NUBPL: variants seen among roughly 807,000 people sequenced by gnomAD.
The protein encoded by NUBPL is NUBP iron-sulfur cluster assembly factor, mitochondrial.
In NUBPL, 31 loss-of-function variants were observed where a neutral mutation model predicts 45.7. The ratio of observed to expected loss-of-function variants is 0.68; its 90% CI spans 0.51 to 0.92. The LOEUF (loss-of-function observed/expected upper bound fraction) is 0.92. Among genes scored for constraint, NUBPL ranks in the 40% least tolerant of loss-of-function variants. The pLI, the probability that NUBPL is intolerant of heterozygous loss-of-function variation, is 0.00. For synonymous variants in NUBPL, 144 were observed against 140.9 expected, an observed-to-expected ratio of 1.02 and a Z score of -0.15; for missense variants, 401 against 398.7, an observed-to-expected ratio of 1.01 and a Z score of -0.05.
intron 6 of NUBPL, among the ~76,000 whole-genome samples, chr14:31,705,922 A>AC (rs1312689186): frequency 6.6e-6 from 1 of 152,124 alleles, no homozygotes; most frequent in Non-Finnish European, 1.5e-5. Flanking sequence ...CTCACCTGGA[A>AC]CCCGCACTGG....
intron 7 of NUBPL, among the ~76,000 whole-genome samples, chr14:31,825,200 T>C (rs1356833988): frequency 1.5e-5 from 2 of 129,798 alleles, no homozygotes; most frequent in African/African-American, 5.1e-5. Context: ...TTTTTAAGAA[T>C]ATAAACTTCT....
At chr14:31,694,284 A>C (rs965085751) in intron 6 of NUBPL, among the ~76,000 whole-genome samples, 4 of 152,232 alleles carry the variant, frequency 2.6e-5, no homozygotes, top group African/African-American at 9.6e-5. Context: ...TTTTAAAATT[A>C]TAGATTAGTG....
intron 6 of NUBPL, among the ~76,000 whole-genome samples, chr14:31,713,654 G>A (rs371648722): frequency 2.6e-5 from 4 of 152,128 alleles, no homozygotes; most frequent in Non-Finnish European, 5.9e-5. Flanking sequence ...TCAACAACCC[G>A]TAGGAAATTT....
chr14:31,597,359 C>T (rs145043796), intron 3 of NUBPL, among the ~76,000 whole-genome samples: 51 of 152,178 alleles, frequency 3.4e-4, no homozygotes, highest in African/African-American at 1.2e-3. Flanking sequence ...CTACTCTTAC[C>T]GTAGCAAATG....
chr14:31,708,890 G>A (rs193179157), intron 6 of NUBPL, among the ~76,000 whole-genome samples: 6 of 152,240 alleles, frequency 3.9e-5, no homozygotes, highest in Admixed American at 6.5e-5. Flanking sequence ...ACGAGGGGGC[G>A]GCTTGTTTCT....
Position 31,666,267 on chromosome 14 carries a change from T to TATTA in NUBPL, c.383-7088_383-7087insATTA, listed in dbSNP as rs2036423065. Among the ~76,000 whole-genome samples, 2 of 84,428 alleles carry TATTA rather than the reference T, an allele frequency of 2.4e-5. 1 individual carries two copies. Among genetic ancestry groups the TATTA allele is most frequent in the Non-Finnish European group, 5.2e-5 (2 of 38,180 alleles). The allele number at this position is 84,428 out of a possible 152,430, so 55.4% of individuals were successfully genotyped here. On this transcript the variant is annotated intron_variant, in intron 4 of 10. Coordinates refer to ENST00000281081, the MANE Select transcript of NUBPL (RefSeq NM_025152.3). ...TATATATATATATATATATATAATT[T>TATTA]TATTTTATTTTTTTTGAGACGGAAT...
intron 3 of NUBPL, among the ~76,000 whole-genome samples, chr14:31,570,708 G>T (rs958323965): frequency 6.6e-6 from 1 of 152,026 alleles, no homozygotes; most frequent in Middle Eastern, 3.4e-3. Context: ...TTTAATTAAG[G>T]CACGTGCTAC....
chr14:31,629,355 C>T (rs756581236), intron 4 of NUBPL, among the ~76,000 whole-genome samples: 3 of 152,078 alleles, frequency 2.0e-5, no homozygotes, highest in African/African-American at 4.8e-5. Flanking sequence ...TTATTAGGCA[C>T]GGCACATTGT....
At chr14:31,699,941 G>A (rs924086418) in intron 6 of NUBPL, among the ~76,000 whole-genome samples, 2 of 152,140 alleles carry the variant, frequency 1.3e-5, no homozygotes, top group African/African-American at 4.8e-5. Flanking sequence ...TTACCATAAT[G>A]AAATTTTAAA....
At chr14:31,832,610 C>A (rs1566588534) in intron 8 of NUBPL, among the ~76,000 whole-genome samples, 1 of 152,146 alleles carries the variant, frequency 6.6e-6, no homozygotes, top group Non-Finnish European at 1.5e-5. Context: ...TTCTTATATA[C>A]AGATTTTTAT....
chr14:31,583,176 A>G (rs1162644300), intron 3 of NUBPL, among the ~76,000 whole-genome samples: 1 of 152,244 alleles, frequency 6.6e-6, no homozygotes, highest in Non-Finnish European at 1.5e-5. Flanking sequence ...CGCTGCAGGA[A>G]ATATAACATA....
intron 4 of NUBPL, among the ~76,000 whole-genome samples, chr14:31,627,825 T>A (rs546047952): frequency 6.6e-6 from 1 of 152,220 alleles, no homozygotes; most frequent in East Asian, 1.9e-4. Flanking sequence ...TAGATTATAT[T>A]TATTTATATT....
chr14:31,726,487 A>G (rs563456634), intron 6 of NUBPL, among the ~76,000 whole-genome samples: 2 of 152,328 alleles, frequency 1.3e-5, no homozygotes, highest in South Asian at 2.1e-4. Flanking sequence ...GCATGTTGCT[A>G]TATCATTTTT....
At chr14:31,690,080 G>A (rs1437854389) in intron 6 of NUBPL, among the ~76,000 whole-genome samples, 2 of 143,062 alleles carry the variant, frequency 1.4e-5, no homozygotes, top group Non-Finnish European at 3.1e-5. Flanking sequence ...AGGTGGAATT[G>A]ACTCATTCTG....
intron 6 of NUBPL, among the ~76,000 whole-genome samples, chr14:31,688,304 G>A (rs1284522688): frequency 6.6e-6 from 1 of 152,118 alleles, no homozygotes; most frequent in African/African-American, 2.4e-5. Flanking sequence ...TGGGCCAGGC[G>A]CGGTGGTTCA....
intron 7 of NUBPL, among the ~76,000 whole-genome samples, chr14:31,825,949 A>G (rs74665763): frequency 6.6e-6 from 1 of 151,346 alleles, no homozygotes; most frequent in Non-Finnish European, 1.5e-5. Context: ...CAGCCTCCCA[A>G]GTAGTTTGGA....
At chr14:31,632,656 G>A (rs975096710) in intron 4 of NUBPL, among the ~76,000 whole-genome samples, 2 of 152,140 alleles carry the variant, frequency 1.3e-5, no homozygotes, top group African/African-American at 4.8e-5. Context: ...TGTATGTTCT[G>A]AAGAACTGAT....
intron 8 of NUBPL, among the ~76,000 whole-genome samples, chr14:31,831,645 G>A (rs905593732): frequency 2.6e-5 from 4 of 152,158 alleles, no homozygotes; most frequent in African/African-American, 9.7e-5. Context: ...TAGGGACTAG[G>A]GAGGGACAGA....
intron 4 of NUBPL, among the ~76,000 whole-genome samples, chr14:31,665,736 T>A (rs2036392615): frequency 1.3e-5 from 2 of 152,160 alleles, no homozygotes; most frequent in Non-Finnish European, 2.9e-5. Flanking sequence ...TCTGTAGATG[T>A]CTATTAGGTC....
Sources: gnomAD v4.1 joint callset for allele counts (sites outside exome capture counted in the v4.1 genomes callset) on GRCh38, gnomAD v4.1.1 for gene constraint, MANE v1.5 for transcripts, NCBI Gene and HGNC (gene_info 2026-07-23, HGNC 2026-07-21) for gene names.